The following ZC3HAV1 variants were observed in gnomAD, a reference collection of about 807,000 sequenced individuals.
ZC3HAV1 encodes zinc finger CCCH-type antiviral protein 1.
Under a neutral mutation model 86.6 loss-of-function variants are expected in ZC3HAV1, and 41 were observed. The ratio of observed to expected loss-of-function variants is 0.47; its 90% CI spans 0.37 to 0.61. The LOEUF is 0.61. ZC3HAV1 is among the 20% of genes least tolerant of loss of function. The pLI, the probability that ZC3HAV1 is intolerant of heterozygous loss-of-function variation, is 0.00. For synonymous variants in ZC3HAV1, 421 were observed against 432.1 expected, an observed-to-expected ratio of 0.97 and a Z score of 0.32; for missense variants, 964 against 1,141.1, an observed-to-expected ratio of 0.84 and a Z score of 2.24.
In ZC3HAV1 at chr7:139,109,049, G is replaced by T; in HGVS notation, c.283C>A (p.Arg95=). 6.3e-7 allele frequency: 1 copy of T among 1,579,948 alleles called. No homozygotes were observed. The highest frequency in any genetic ancestry group is 2.3e-5 in the East Asian group (1 of 43,412). Residue 95 remains arginine (R), a synonymous_variant, in exon 1 of 13, where the codon CGG becomes AGG. Coordinates refer to ENST00000242351, the MANE Select transcript of ZC3HAV1 (RefSeq NM_020119.4). ...LHLCKLNLLG[R]CNYSQSERNL... is the part of the protein sequence containing the mutation. The stretch of plus-strand genomic sequence containing the variant: ...CGCTCGGACTGCGAATAGTTGCACC[G>T]GCCCAGCAAGTTGAGTTTGCAGAGA...
At position 139,084,149 on chromosome 7, in the gene ZC3HAV1, G is replaced by T. The variant is rs960453654; in HGVS notation, c.445-117C>A. On this transcript the variant is annotated intron_variant, in intron 2 of 12. Coordinates refer to ENST00000242351, the MANE Select transcript of ZC3HAV1 (RefSeq NM_020119.4). ...TGAAGCAAGCAGAGATATACCAAAG[G>T]GGGAAAAATACATGCATATTCTGCA... is the stretch of plus-strand genomic sequence containing the variant. The T allele has an allele frequency of 5.1e-6, 7 of 1,366,112 alleles. No homozygotes were observed. The African/African-American group carries it at 7.2e-5, about 14-fold the overall frequency. The allele number at this position is 1,366,112 out of a possible 1,614,324, so 84.6% of individuals were successfully genotyped here.
At chr7:139,083,104 TAGAG>T (rs1243420112) in intron 3 of ZC3HAV1, among the ~76,000 whole-genome samples, 1 of 152,138 alleles carries the variant, frequency 6.6e-6, no homozygotes, top group African/African-American at 2.4e-5. Flanking sequence ...CATGTATACA[TAGAG>T]AGAAAGAAAG....
At chr7:139,103,343 C>T (rs1480487485) in intron 1 of ZC3HAV1, among the ~76,000 whole-genome samples, 1 of 150,874 alleles carries the variant, frequency 6.6e-6, no homozygotes, top group East Asian at 1.9e-4. Context: ...GTCCTCAATC[C>T]TCTCATCTTG....
At chr7:139,098,234 CG>C (rs1563141014) in intron 1 of ZC3HAV1, among the ~76,000 whole-genome samples, 1 of 152,050 alleles carries the variant, frequency 6.6e-6, no homozygotes, top group African/African-American at 2.4e-5. Flanking sequence ...CCATGGCGCC[CG>C]GCCTCCATAC....
In ZC3HAV1 at chr7:139,068,616, C is replaced by T. The variant is rs960205110; in HGVS notation, c.1873-3617G>A. 5.9e-5 allele frequency among the ~76,000 whole-genome samples: 9 copies of T among 152,206 alleles called. No homozygotes were observed. The East Asian group carries it at 1.2e-3, about 20-fold the overall frequency. ...ATTAAAGTTTAAAATGAAATTGCCG[C>T]ATGTGGCAAGTGGTTGTCATACTGG... On this transcript the variant is annotated intron_variant, in intron 7 of 12. Transcript: ENST00000242351.
intron 9 of ZC3HAV1, 39 bp from the exon 10 acceptor site, chr7:139,055,334 C>A: frequency 6.4e-7 from 1 of 1,561,936 alleles, no homozygotes; most frequent in South Asian, 1.1e-5. Flanking sequence ...ACTCTCTGCT[C>A]CACAGGCCCA....
In ZC3HAV1 at chr7:139,080,080, G is replaced by A. The variant is rs777369906; in HGVS notation, c.861C>T (p.Asp287=). Residue 287 remains aspartate (D), a synonymous_variant, in exon 4 of 13, where the codon GAC becomes GAT. Coordinates refer to ENST00000242351, the MANE Select transcript of ZC3HAV1 (RefSeq NM_020119.4). ...DQISHRASLE[D]APVDDLTRKF... ...TGCGGGTGAGATCGTCCACAGGCGC[G>A]TCCTCCAGGGAAGCCCTGTGGCTGA... 89 of 1,614,028 alleles carry A rather than the reference G, an allele frequency of 5.5e-5. No individual in the cohort carries two copies. Among genetic ancestry groups the A allele is most frequent in the Non-Finnish European group, 6.9e-5 (81 of 1,180,046 alleles).
Position 139,073,965 on chromosome 7 carries a change from C to T in ZC3HAV1, c.1763G>A (p.Arg588His). ...GGTGACAGAAGAAGGAGTGGAGAGG[C>T]GTCGGATGGGAAAGGAATCACAACT... ...VMSCDSFPIR[R>H]LSTPSSVTKP... The change falls in exon 7 of 13, where the codon CGC becomes CAC. Residue 588 changes from arginine (R) to histidine (H), a missense_variant. Physicochemically the swap from Arg to His is conservative, Grantham distance 29. Coordinates refer to ENST00000242351, the MANE Select transcript of ZC3HAV1 (RefSeq NM_020119.4). 2.5e-6 allele frequency: 4 copies of T among 1,613,800 alleles called. No homozygotes were observed. The highest frequency in any genetic ancestry group is 1.7e-5 in the Admixed American group (1 of 59,996).
intron 1 of ZC3HAV1, among the ~76,000 whole-genome samples, chr7:139,096,007 GTT>G (rs11365533): frequency 3.3e-5 from 5 of 151,240 alleles, no homozygotes; most frequent in African/African-American, 9.7e-5. Context: ...CTGCTACAAT[GTT>G]TTTTTTTGTT....
At chr7:139,060,530 CA>C in intron 9 of ZC3HAV1, 1 of 995,710 alleles carries the variant, frequency 1.0e-6, no homozygotes, top group Non-Finnish European at 1.2e-6. Flanking sequence ...TGTAGGAAAA[CA>C]AAAGACACCC....
chr7:139,070,681 A>C (rs950973964), intron 7 of ZC3HAV1, among the ~76,000 whole-genome samples: 3 of 147,912 alleles, frequency 2.0e-5, no homozygotes, highest in Non-Finnish European at 4.5e-5. Context: ...AAAAAAAAAA[A>C]AACCTCAGGA....
intron 7 of ZC3HAV1, among the ~76,000 whole-genome samples, chr7:139,070,271 C>T (rs78360631): frequency 0.015 from 2,323 of 152,010 alleles, 58 homozygotes; most frequent in African/African-American, 0.053. Flanking sequence ...CTAAAAACTC[C>T]ACAGTTTTCA....
At chr7:139,063,027 C>CAAAAAAAAAAA (rs58859916) in intron 8 of ZC3HAV1, among the ~76,000 whole-genome samples, 34 of 68,068 alleles carry the variant, frequency 5.0e-4, no homozygotes, top group Admixed American at 1.3e-3. Flanking sequence ...GACTCTGTCT[C>CAAAAAAAAAAA]AAAAAAAAAA....
At position 139,047,646 on chromosome 7, in the gene ZC3HAV1, T is replaced by A. The variant is rs752110165; in HGVS notation, c.2657A>T (p.Tyr886Phe). The A allele has an allele frequency of 6.2e-7, 1 of 1,614,182 alleles. No individual in the cohort carries two copies. Among genetic ancestry groups the A allele is most frequent in the Non-Finnish European group, 8.5e-7 (1 of 1,180,034 alleles). Residue 886 changes from tyrosine (Y) to phenylalanine (F), a missense_variant, in exon 13 of 13, where the codon TAC becomes TTC. Transcript: ENST00000242351. ...VFVIFQKDQV[Y>F]PQYVIEYTED... The stretch of plus-strand genomic sequence containing the variant: ...AGTATATTCAATCACATATTGTGGG[T>A]AAACCTGATCTTTCTGAAAGATGAC...
chr7:139,077,000 AC>A (rs570965405), intron 5 of ZC3HAV1, among the ~76,000 whole-genome samples: 23 of 135,828 alleles, frequency 1.7e-4, no homozygotes, highest in African/African-American at 6.7e-4. Context: ...CCCTTTCTGC[AC>A]CCCCCCAAGT....
At chr7:139,047,957 CAAT>C (rs1816009569) in intron 12 of ZC3HAV1, 104 bp from the exon 13 acceptor site, 1 of 1,149,398 alleles carries the variant, frequency 8.7e-7, no homozygotes, top group Non-Finnish European at 1.2e-6. Context: ...AAGCATATGT[CAAT>C]AATACCTTAC....
rs770640549 is a variant in ZC3HAV1 at position 139,079,190 on chromosome 7, A to G, written c.1471+280T>C. 5.9e-6 allele frequency: 9 copies of G among 1,536,244 alleles called. 1 individual carries two copies. In the Admixed American group the frequency reaches 5.9e-5, roughly 10 times the overall value. On this transcript the variant is annotated intron_variant, in intron 4 of 12. Transcript: ENST00000242351. ...GCAGTTCTGCCCTTGGGCCCCCCAG[A>G]CTGCAGCTCTGTTGCTTGAGGAAAG...
rs1177466556 is a variant in ZC3HAV1 at position 139,108,067 on chromosome 7, T to TG, written c.308+956dup. ...TTAAAACCCTGCCTGGGGGAAAAGATGAGTTTGACTCCATGGACAGGACAC... is the reference window on the plus strand; with the variant it reads ...TTAAAACCCTGCCTGGGGGAAAAGATGGAGTTTGACTCCATGGACAGGACAC... On this transcript the variant is annotated intron_variant, in intron 1 of 12. Coordinates refer to ENST00000242351, the MANE Select transcript of ZC3HAV1 (RefSeq NM_020119.4). The surrounding 1 kb of genome is among the most constrained non-coding windows in gnomAD (Gnocchi z 4.2). 2.0e-5 allele frequency among the ~76,000 whole-genome samples: 3 copies of TG among 152,016 alleles called. No individual in the cohort carries two copies. Among genetic ancestry groups the TG allele is most frequent in the African/African-American group, 7.2e-5 (3 of 41,392 alleles).
chr7:139,048,330 G>T (rs1174628103), intron 12 of ZC3HAV1, among the ~76,000 whole-genome samples: 2 of 152,172 alleles, frequency 1.3e-5, no homozygotes, highest in Non-Finnish European at 2.9e-5. Flanking sequence ...CTCTGGGCAG[G>T]TGCAGTGGCT....
Sources: allele counts gnomAD v4.1 joint callset (sites outside exome capture counted in the v4.1 genomes callset), GRCh38; gene constraint gnomAD v4.1.1; non-coding constraint Gnocchi (gnomAD v3.1); transcripts MANE v1.5; gene names NCBI Gene and HGNC (gene_info 2026-07-23, HGNC 2026-07-21).